KCNA2: variants seen among roughly 807,000 people sequenced by gnomAD.
KCNA2 encodes potassium channel, voltage gated shaker related subfamily A, member 2.
Under a neutral mutation model 33.4 loss-of-function variants are expected in KCNA2, and 11 were observed. That is an observed-to-expected ratio of 0.33 (90% CI 0.21 to 0.55). KCNA2 has a LOEUF of 0.55. KCNA2 is among the 20% of genes least tolerant of loss of function. The pLI is 0.93. For missense variants in KCNA2, 291 were observed against 621.6 expected (o/e 0.47, Z 5.66); for synonymous variants, 222 against 231.3 (o/e 0.96, Z 0.37).
intron 1 of KCNA2, among the ~76,000 whole-genome samples, chr1:110,614,741 A>G (rs964825299): frequency 5.9e-5 from 9 of 152,084 alleles, no homozygotes; most frequent in Non-Finnish European, 4.4e-5. Flanking sequence ...TACCTCCTTT[A>G]TCTCCACTGG....
At position 110,602,415 on chromosome 1, in the gene KCNA2, A is replaced by G. The variant is rs900995782; in HGVS notation, c.*868T>C. 1.6e-5 allele frequency: 21 copies of G among 1,346,414 alleles called. No individual in the cohort carries two copies. The highest frequency in any genetic ancestry group is 2.8e-4 in the Middle Eastern group (1 of 3,590). 83.4% of individuals were successfully genotyped at this position (1,346,414 alleles called of 1,614,324 possible). ...ATGCAACAAACACCCATGCAGCTCT[A>G]TTGCATCACTGGTAAATTTCACTGC... is the stretch of plus-strand genomic sequence containing the variant. On this transcript the variant is annotated 3_prime_UTR_variant, in exon 3 of 3. Transcript: ENST00000316361.
intron 1 of KCNA2, among the ~76,000 whole-genome samples, chr1:110,629,953 C>T (rs962240311): frequency 3.4e-5 from 5 of 148,258 alleles, no homozygotes; most frequent in African/African-American, 1.0e-4. Context: ...CTGGAAGAAG[C>T]GTTTTTTTAA....
At chr1:110,617,949 G>A (rs1650121371) in intron 1 of KCNA2, among the ~76,000 whole-genome samples, 1 of 152,136 alleles carries the variant, frequency 6.6e-6, no homozygotes, top group South Asian at 2.1e-4. Flanking sequence ...AGAGGTAGAG[G>A]GTAGGGAATG....
chr1:110,609,816 G>A (rs1315758870), upstream of KCNA2, among the ~76,000 whole-genome samples: 2 of 152,228 alleles, frequency 1.3e-5, no homozygotes, highest in Admixed American at 6.5e-5. Context: ...TGGCAGTGCT[G>A]TATAGGAAAA....
At chr1:110,627,143 C>T (rs1650416275) in intron 1 of KCNA2, among the ~76,000 whole-genome samples, 2 of 152,230 alleles carry the variant, frequency 1.3e-5, no homozygotes, top group Admixed American at 6.5e-5. Context: ...CCAAAACCTT[C>T]GTGTCTAGGG....
rs1403692006 is a variant in KCNA2, at chr1:110,604,718, G to C, written c.65C>G (p.Thr22Ser). 7 of 1,614,038 alleles carry C rather than the reference G, an allele frequency of 4.3e-6. No homozygotes were observed. The highest frequency in any genetic ancestry group is 1.6e-4 in the Middle Eastern group (1 of 6,084). ...CTCGTGGTCTGCCTCTGGGTCATAG[G>C]TGTCCTGTGGGTGCCCAGGGAGGGC... ...AAALPGHPQD[T>S]YDPEADHECC... The change falls in exon 3 of 3, where the codon ACC becomes AGC. Residue 22 changes from threonine to serine, a missense_variant. Physicochemically the swap from Thr to Ser is moderately conservative, Grantham distance 58. Coordinates refer to ENST00000316361, the MANE Select transcript of KCNA2 (RefSeq NM_004974.4). The surrounding 1 kb of genome is among the most constrained non-coding windows in gnomAD (Gnocchi z 7.6).
In KCNA2 at chr1:110,600,647, G is replaced by A; in HGVS notation, c.*2636C>T. On this transcript the variant is annotated 3_prime_UTR_variant, in exon 3 of 3. Transcript: ENST00000316361. The stretch of plus-strand genomic sequence containing the variant: ...TTTAGAGTCCTGGGCCAAGGACACT[G>A]TGATAAGATATCTATCCCTGACCTA... 9.1e-6 allele frequency: 9 copies of A among 985,416 alleles called. No individual in the cohort carries two copies. The highest frequency in any genetic ancestry group is 1.1e-5 in the Non-Finnish European group (9 of 829,916). The allele number at this position is 985,416 out of a possible 1,614,324, so 61.0% of individuals were successfully genotyped here. A position where few individuals can be genotyped will look rare whatever the true frequency, so the allele number is the denominator to read the frequency against.
chr1:110,620,053 CGAGAGAGAGAGA>C lies in KCNA2; in HGVS notation c.-496+11330_-496+11341del, dbSNP rs3050013. Among the ~76,000 whole-genome samples the C allele has an allele frequency of 8.7e-3, 1,098 of 126,836 alleles. 7 individuals are homozygous for C. The highest frequency in any genetic ancestry group is 0.012 in the Non-Finnish European group (766 of 62,146). 83.2% of individuals were successfully genotyped at this position (126,836 alleles called of 152,430 possible). On this transcript the variant is annotated intron_variant, in intron 1 of 4. Coordinates refer to the KCNA2 transcript ENST00000369770. ...CTTAATGAGAGAGAGAGAGCGAGAG[CGAGAGAGAGAGA>C]GAGAGAGAGAGAGAGAGAGAGAGTG... is the stretch of plus-strand genomic sequence containing the variant.
chr1:110,622,945 T>G (rs1430564319), intron 1 of KCNA2, among the ~76,000 whole-genome samples: 1 of 152,196 alleles, frequency 6.6e-6, no homozygotes, highest in Non-Finnish European at 1.5e-5. Context: ...ATAAAAATCT[T>G]GGCAGAATTT....
Position 110,598,950 on chromosome 1 carries a change from G to A in KCNA2, c.*4333C>T. ...CTTTTCGGTCTCCTGAAAACTCCAA[G>A]TTTCTTGAAAATGAATCCACAGAGG... On this transcript the variant is annotated 3_prime_UTR_variant, in exon 3 of 3. Coordinates refer to ENST00000316361, the MANE Select transcript of KCNA2 (RefSeq NM_004974.4). 1 of 985,376 alleles carries A rather than the reference G, an allele frequency of 1.0e-6. No individual in the cohort carries two copies. Among genetic ancestry groups the A allele is most frequent in the Non-Finnish European group, 1.2e-6 (1 of 829,938 alleles). 61.0% of individuals were successfully genotyped at this position (985,376 alleles called of 1,614,324 possible). A position where few individuals can be genotyped will look rare whatever the true frequency, so the allele number is the denominator to read the frequency against.
chr1:110,623,011 A>G (rs1650299246), intron 1 of KCNA2, among the ~76,000 whole-genome samples: 1 of 152,222 alleles, frequency 6.6e-6, no homozygotes, highest in Non-Finnish European at 1.5e-5. Context: ...TAGAATAACC[A>G]AAGCAATTTT....
chr1:110,597,647 C>T lies in KCNA2; in HGVS notation c.*5636G>A, dbSNP rs1235439877. 7.1e-6 allele frequency: 7 copies of T among 985,352 alleles called. 1 individual carries two copies. The highest frequency in any genetic ancestry group is 4.7e-5 in the South Asian group (1 of 21,278). The allele number at this position is 985,352 out of a possible 1,614,324, so 61.0% of individuals were successfully genotyped here. The stretch of plus-strand genomic sequence containing the variant: ...CAAGAGGACAGGAGTCATGTGAACA[C>T]GTGGGAAGAAGAAGAAACTACAGAG... On this transcript the variant is annotated 3_prime_UTR_variant, in exon 3 of 3. Coordinates refer to ENST00000316361, the MANE Select transcript of KCNA2 (RefSeq NM_004974.4).
intron 1 of KCNA2, among the ~76,000 whole-genome samples, chr1:110,617,585 C>T (rs1322817332): frequency 1.3e-5 from 2 of 152,064 alleles, no homozygotes; most frequent in Non-Finnish European, 2.9e-5. Flanking sequence ...GGTTGCTTCC[C>T]CTCAGAGATG....
chr1:110,624,088 A>G (rs1306253277), intron 1 of KCNA2, among the ~76,000 whole-genome samples: 1 of 152,266 alleles, frequency 6.6e-6, no homozygotes, highest in African/African-American at 2.4e-5. Flanking sequence ...AATAATTTGT[A>G]GTTTCTTTAC....
intron 1 of KCNA2, 118 bp downstream of exon 1, chr1:110,606,110 C>G (rs1272435811): frequency 6.4e-6 from 1 of 155,558 alleles, no homozygotes; most frequent in Non-Finnish European, 1.4e-5. Context: ...CAAGCTCTGA[C>G]CTCAGCCAGT....
chr1:110,627,834 A>T (rs919160477), intron 1 of KCNA2, among the ~76,000 whole-genome samples: 7 of 152,108 alleles, frequency 4.6e-5, no homozygotes, highest in African/African-American at 1.7e-4. Flanking sequence ...GTCTCAAAAA[A>T]AAAAAAAATA....
upstream of KCNA2, among the ~76,000 whole-genome samples, chr1:110,610,064 G>C (rs115187633): frequency 1.5e-3 from 235 of 152,330 alleles, no homozygotes; most frequent in Non-Finnish European, 2.8e-3. Context: ...CCACACAATA[G>C]CAGCCAGAGT....
chr1:110,595,874 G>A lies in KCNA2; in HGVS notation c.*7409C>T. 1 of 985,412 alleles carries A rather than the reference G, an allele frequency of 1.0e-6. No homozygotes were observed. Among genetic ancestry groups the A allele is most frequent in the Non-Finnish European group, 1.2e-6 (1 of 829,938 alleles). The allele number at this position is 985,412 out of a possible 1,614,324, so 61.0% of individuals were successfully genotyped here. ...AGATCTCACAAACCTCAAACCTAGG[G>A]CACCACCAATGACAAAGAGAATGCT... On this transcript the variant is annotated 3_prime_UTR_variant, in exon 3 of 3. Coordinates refer to ENST00000316361, the MANE Select transcript of KCNA2 (RefSeq NM_004974.4).
At chr1:110,621,079 T>C (rs1262546705) in intron 1 of KCNA2, among the ~76,000 whole-genome samples, 2 of 152,240 alleles carry the variant, frequency 1.3e-5, no homozygotes, top group Non-Finnish European at 1.5e-5. Context: ...AGCGCCTCCA[T>C]ATGACCCTCT....
Sources: gnomAD v4.1 joint callset for allele counts (sites outside exome capture counted in the v4.1 genomes callset) on GRCh38, gnomAD v4.1.1 for gene constraint, Gnocchi (gnomAD v3.1) non-coding constraint, MANE v1.5 for transcripts, NCBI Gene and HGNC (gene_info 2026-07-23, HGNC 2026-07-21) for gene names.